RHPN2: variants seen among roughly 807,000 people sequenced by gnomAD.
The protein encoded by RHPN2 is rhophilin Rho GTPase binding protein 2.
In RHPN2, 40 loss-of-function variants were observed where a neutral mutation model predicts 79.0. That is an observed-to-expected ratio of 0.51 (90% CI 0.39 to 0.66). The LOEUF (loss-of-function observed/expected upper bound fraction) is 0.66. RHPN2 is among the 30% of genes least tolerant of loss of function. RHPN2 has a pLI of 0.00. For missense variants in RHPN2, 686 were observed against 883.5 expected (o/e 0.78, Z 2.83); for synonymous variants, 285 against 363.5 (o/e 0.78, Z 2.46).
intron 9 of RHPN2, among the ~76,000 whole-genome samples, chr19:33,001,410 C>T (rs1212411485): frequency 6.6e-6 from 1 of 152,082 alleles, no homozygotes; most frequent in Admixed American, 6.6e-5. Context: ...GGTGTAGTGG[C>T]ATGTGCCTGT....
At chr19:33,038,093 G>A (rs1366494030) in intron 2 of RHPN2, among the ~76,000 whole-genome samples, 1 of 152,070 alleles carries the variant, frequency 6.6e-6, no homozygotes, top group Non-Finnish European at 1.5e-5. Context: ...GCTCATGTCT[G>A]TAATCCCAGC....
intron 2 of RHPN2, among the ~76,000 whole-genome samples, chr19:33,040,793 A>G (rs1406691381): frequency 1.3e-5 from 2 of 152,034 alleles, no homozygotes; most frequent in Non-Finnish European, 2.9e-5. Context: ...TGTCTTACTA[A>G]AAGTATAAAA....
Position 32,990,652 on chromosome 19 carries a change from T to C in RHPN2, c.1662A>G (p.Glu554=), listed in dbSNP as rs1971651265. 1 of 1,613,848 alleles carries C rather than the reference T, an allele frequency of 6.2e-7. No individual in the cohort carries two copies. Among genetic ancestry groups the C allele is most frequent in the Non-Finnish European group, 8.5e-7 (1 of 1,179,866 alleles). The part of the protein sequence containing the change: ...YCSASVAGAR[E]GDYIVSIQLV... ...GCTGAATGGAGACAATATAATCTCC[T>C]TCCCGGGCTCCTGCCACCTGAAAAA... Residue 554 remains glutamate (E), a synonymous_variant, in exon 14 of 15, where the codon GAA becomes GAG. Transcript: ENST00000254260.
intron 3 of RHPN2, among the ~76,000 whole-genome samples, chr19:33,023,651 G>A (rs1971942603): frequency 6.6e-6 from 1 of 151,722 alleles, no homozygotes; most frequent in Non-Finnish European, 1.5e-5. Flanking sequence ...CAGGCAAGGT[G>A]GCGGGCGCCT....
chr19:32,999,142 C>T (rs1055912517), intron 10 of RHPN2, among the ~76,000 whole-genome samples: 4 of 151,790 alleles, frequency 2.6e-5, no homozygotes, highest in African/African-American at 9.7e-5. Flanking sequence ...ATGGGTGGTG[C>T]GCAGAGGGGC....
chr19:32,996,525 G>A, intron 10 of RHPN2: 1 of 448,100 alleles, frequency 2.2e-6, no homozygotes, highest in Non-Finnish European at 4.2e-6. Context: ...GAGGCAGGCT[G>A]TACCAGCAGC....
intron 4 of RHPN2, among the ~76,000 whole-genome samples, chr19:33,016,697 T>G (rs1207641176): frequency 1.3e-5 from 2 of 151,876 alleles, no homozygotes; most frequent in Non-Finnish European, 2.9e-5. Context: ...AATAGATACA[T>G]AAAATAAAAT....
chr19:33,014,515 AG>A (rs1971862459), intron 4 of RHPN2, among the ~76,000 whole-genome samples: 1 of 152,026 alleles, frequency 6.6e-6, no homozygotes, highest in Non-Finnish European at 1.5e-5. Context: ...TATGTTGCCT[AG>A]GCTGGTCTCG....
intron 1 of RHPN2, among the ~76,000 whole-genome samples, chr19:33,048,436 A>G (rs1160639063): frequency 6.6e-6 from 1 of 151,300 alleles, no homozygotes; most frequent in African/African-American, 2.4e-5. Flanking sequence ...TAAGATTAAA[A>G]TATCTTTGGC....
chr19:32,981,587 T>G (rs528220416), intron 14 of RHPN2, among the ~76,000 whole-genome samples: 3 of 151,934 alleles, frequency 2.0e-5, no homozygotes, highest in African/African-American at 7.3e-5. Flanking sequence ...ATGTTATACT[T>G]CTAGAGATGA....
At chr19:33,003,078 G>T in intron 7 of RHPN2, 78 bp from the exon 8 acceptor site, 2 of 1,329,842 alleles carry the variant, frequency 1.5e-6, no homozygotes, top group Non-Finnish European at 2.1e-6. Flanking sequence ...AAGATAGGAG[G>T]CCGAGTGCGG....
chr19:33,043,176 G>A (rs1442601150), intron 2 of RHPN2, among the ~76,000 whole-genome samples: 3 of 151,348 alleles, frequency 2.0e-5, no homozygotes, highest in Non-Finnish European at 4.4e-5. Context: ...CCAGGAGGTT[G>A]GGGGCTACAG....
At chr19:32,996,710 C>A (rs1971704874) in intron 10 of RHPN2, among the ~76,000 whole-genome samples, 1 of 151,894 alleles carries the variant, frequency 6.6e-6, no homozygotes, top group Non-Finnish European at 1.5e-5. Context: ...TTAAACCCCC[C>A]TCCCCTATTT....
chr19:33,027,451 C>T (rs1272002533), intron 2 of RHPN2, among the ~76,000 whole-genome samples: 1 of 151,774 alleles, frequency 6.6e-6, no homozygotes, highest in Non-Finnish European at 1.5e-5. Flanking sequence ...GCTATGATCA[C>T]ACCACCGCAA....
chr19:32,999,482 C>T, intron 10 of RHPN2, 104 bp downstream of exon 10: 4 of 1,434,564 alleles, frequency 2.8e-6, no homozygotes. Flanking sequence ...CTCGGAACAC[C>T]CCCCTCTCCC....
At chr19:32,996,753 C>G (rs534246753) in intron 10 of RHPN2, among the ~76,000 whole-genome samples, 7 of 152,072 alleles carry the variant, frequency 4.6e-5, no homozygotes, top group Non-Finnish European at 1.0e-4. Context: ...CTAGCCCCTT[C>G]TTCGGGCCCG....
In RHPN2 at chr19:33,007,998, C is replaced by T; in HGVS notation, c.760+16G>A. Reference sequence around the variant, plus strand: ...GGGGCCAAGGCTCCGTCTGGTCAGCCCTGGAGGAGACATACCTGCGGCTCT... The same window carrying T: ...GGGGCCAAGGCTCCGTCTGGTCAGCTCTGGAGGAGACATACCTGCGGCTCT... On this transcript the variant is annotated intron_variant, in intron 7 of 14. Transcript: ENST00000254260. The T allele has an allele frequency of 6.2e-7, 1 of 1,611,868 alleles. No homozygotes were observed. Among genetic ancestry groups the T allele is most frequent in the Non-Finnish European group, 8.5e-7 (1 of 1,179,838 alleles).
intron 2 of RHPN2, among the ~76,000 whole-genome samples, chr19:33,028,011 G>C (rs1179056865): frequency 1.3e-5 from 2 of 152,084 alleles, no homozygotes; most frequent in Non-Finnish European, 1.5e-5. Context: ...AAGGCATCCA[G>C]ATTAGAAAGG....
intron 2 of RHPN2, among the ~76,000 whole-genome samples, chr19:33,038,350 C>G (rs1257730639): frequency 6.6e-6 from 1 of 151,314 alleles, no homozygotes; most frequent in Non-Finnish European, 1.5e-5. Context: ...CCTGTGGAGG[C>G]TGAGGCGGGA....
Sources: allele counts gnomAD v4.1 joint callset (sites outside exome capture counted in the v4.1 genomes callset), GRCh38; gene constraint gnomAD v4.1.1; transcripts MANE v1.5; gene names NCBI Gene and HGNC (gene_info 2026-07-23, HGNC 2026-07-21).